TEK: variants seen among roughly 807,000 people sequenced by gnomAD.
TEK encodes the protein angiopoietin-1 receptor.
Under a neutral mutation model 131.8 loss-of-function variants are expected in TEK, and 43 were observed. That is an observed-to-expected ratio of 0.33 (90% confidence interval 0.26 to 0.42). The LOEUF is 0.42. Among genes scored for constraint, TEK ranks in the 10% least tolerant of loss-of-function variants. The pLI, the probability that TEK is intolerant of heterozygous loss-of-function variation, is 1.00. For synonymous variants in TEK, 580 were observed against 491.6 expected (o/e 1.18, Z -2.38); for missense variants, 1,162 against 1,384.4 (o/e 0.84, Z 2.55).
intron 1 of TEK, among the ~76,000 whole-genome samples, chr9:27,138,523 A>G: frequency 6.6e-6 from 1 of 152,188 alleles, no homozygotes; most frequent in Non-Finnish European, 1.5e-5. Context: ...GCTAGACAGA[A>G]AAGTTCTCCA....
intron 21 of TEK, among the ~76,000 whole-genome samples, chr9:27,221,122 GT>G (rs1486156258): frequency 6.6e-6 from 1 of 152,138 alleles, no homozygotes; most frequent in Non-Finnish European, 1.5e-5. Flanking sequence ...TGAGTAGGCG[GT>G]TTTCCCCTCA....
chr9:27,114,900 A>G (rs370465332), intron 1 of TEK, among the ~76,000 whole-genome samples: 5 of 152,334 alleles, frequency 3.3e-5, no homozygotes, highest in African/African-American at 1.2e-4. Flanking sequence ...ACTGTGTGCC[A>G]ATCATTCATT....
At chr9:27,224,238 G>A (rs774625246) in intron 21 of TEK, among the ~76,000 whole-genome samples, 10,736 of 152,130 alleles carry the variant, frequency 0.071, 446 homozygotes, top group East Asian at 0.1. Flanking sequence ...AGAAAAAGAG[G>A]GATCTTTCCT....
intron 21 of TEK, among the ~76,000 whole-genome samples, chr9:27,226,510 T>C (rs2131262572): frequency 6.6e-6 from 1 of 152,006 alleles, no homozygotes; most frequent in East Asian, 1.9e-4. Context: ...ATGTTCTCAC[T>C]CATAAGTTGG....
intron 1 of TEK, among the ~76,000 whole-genome samples, chr9:27,120,255 C>G (rs1194194886): frequency 1.3e-5 from 2 of 152,224 alleles, no homozygotes; most frequent in Non-Finnish European, 2.9e-5. Context: ...TTTGCAGTTT[C>G]CAAACATTCA....
intron 2 of TEK, 35 bp from the exon 3 acceptor site, chr9:27,168,460 C>T (rs748562897): frequency 1.3e-6 from 2 of 1,535,952 alleles, no homozygotes; most frequent in African/African-American, 2.7e-5. Flanking sequence ...AATGTGTGAT[C>T]CCATTTTTGG....
intron 18 of TEK, among the ~76,000 whole-genome samples, chr9:27,215,996 A>G (rs963014192): frequency 5.3e-5 from 8 of 152,186 alleles, no homozygotes; most frequent in Non-Finnish European, 1.2e-4. Flanking sequence ...CCCCTAGAGG[A>G]AAAGGAAAGC....
At position 27,169,422 on chromosome 9, in the gene TEK, G is replaced by A. The variant is rs1823865523; in HGVS notation, c.476-55G>A. The A allele has an allele frequency of 3.7e-6, 6 of 1,609,940 alleles. 1 individual carries two copies. The Middle Eastern group carries it at 5.7e-4, about 153-fold the overall frequency. On this transcript the variant is annotated intron_variant, in intron 3 of 22. Transcript: ENST00000380036. ...CTAATTAAGTGGAGAAACCAGACAA[G>A]GAAGCAGGTATGTTTCAGTGTGACC...
At chr9:27,186,800 T>C (rs1824615995) in intron 9 of TEK, among the ~76,000 whole-genome samples, 1 of 152,174 alleles carries the variant, frequency 6.6e-6, no homozygotes, top group Non-Finnish European at 1.5e-5. Context: ...CTTCTATAAA[T>C]GAAATGCTGT....
intron 7 of TEK, among the ~76,000 whole-genome samples, chr9:27,182,091 G>T (rs891608884): frequency 6.6e-6 from 1 of 152,148 alleles, no homozygotes; most frequent in African/African-American, 2.4e-5. Flanking sequence ...GGCTACTAGG[G>T]GATTGTATTG....
intron 1 of TEK, among the ~76,000 whole-genome samples, chr9:27,118,090 G>C (rs1464305416): frequency 1.3e-5 from 2 of 152,170 alleles, no homozygotes; most frequent in Non-Finnish European, 2.9e-5. Context: ...CCACCCTGGG[G>C]ACAGGAGTGC....
At chr9:27,213,619 T>G (rs770492935) in intron 18 of TEK, 22 bp downstream of exon 18, 2 of 1,563,992 alleles carry the variant, frequency 1.3e-6, no homozygotes, top group Non-Finnish European at 1.8e-6. Context: ...ACACAGACAC[T>G]GATCGCATCC....
intron 1 of TEK, among the ~76,000 whole-genome samples, chr9:27,137,654 C>G (rs966917017): frequency 6.8e-6 from 1 of 146,668 alleles, no homozygotes; most frequent in Non-Finnish European, 1.5e-5. Context: ...TACATAGTTC[C>G]CGTATGATTA....
At chr9:27,206,449 A>G in intron 14 of TEK, 133 bp from the exon 15 acceptor site, 5 of 1,078,490 alleles carry the variant, frequency 4.6e-6, no homozygotes, top group Non-Finnish European at 6.8e-6. Context: ...ATGAAAACCT[A>G]TTTCCCTTTC....
chr9:27,216,141 G>C (rs1825813526), intron 18 of TEK, among the ~76,000 whole-genome samples: 1 of 152,184 alleles, frequency 6.6e-6, no homozygotes, highest in Non-Finnish European at 1.5e-5. Flanking sequence ...TCCAGCTAAG[G>C]ATTTGGGATC....
intron 18 of TEK, among the ~76,000 whole-genome samples, chr9:27,214,872 C>T (rs1825761157): frequency 6.6e-6 from 1 of 152,082 alleles, no homozygotes; most frequent in African/African-American, 2.4e-5. Context: ...TGCTTTTCTC[C>T]CTAACCTTTT....
Position 27,212,848 on chromosome 9 carries a change from A to G in TEK, c.2828A>G (p.His943Arg). 1.2e-6 allele frequency: 2 copies of G among 1,614,082 alleles called. No homozygotes were observed. Among genetic ancestry groups the G allele is most frequent in the Non-Finnish European group, 8.5e-7 (1 of 1,179,996 alleles). Residue 943 changes from histidine to arginine, a missense_variant, in exon 17 of 23, where the codon CAC (histidine) becomes CGC (arginine). His to Arg is a conservative substitution (Grantham distance 29, BLOSUM62 0). Around this residue, in one of 6 missense-constraint regions of TEK, gnomAD observed 107 missense variants for 173.9 expected, o/e 0.62. Coordinates refer to ENST00000380036, the MANE Select transcript of TEK (RefSeq NM_000459.5). ...ASTLSSQQLL[H>R]FAADVARGMD... is the part of the protein sequence containing the mutation. ...ACACTGTCCTCCCAGCAGCTCCTTC[A>G]CTTCGCTGCCGACGTGGCCCGGGGC... is the stretch of plus-strand genomic sequence containing the variant.
chr9:27,151,762 G>A (rs1181422818), intron 1 of TEK, among the ~76,000 whole-genome samples: 1 of 152,170 alleles, frequency 6.6e-6, no homozygotes, highest in Non-Finnish European at 1.5e-5. Flanking sequence ...GTGCAGTACT[G>A]GGCACAGGGG....
chr9:27,157,501 A>G (rs957381252), intron 1 of TEK, among the ~76,000 whole-genome samples: 1 of 152,216 alleles, frequency 6.6e-6, no homozygotes, highest in Non-Finnish European at 1.5e-5. Flanking sequence ...TGATAATGTC[A>G]TTATTATTAA....
Sources: gnomAD v4.1 joint callset for allele counts (sites outside exome capture counted in the v4.1 genomes callset) on GRCh38, gnomAD v4.1.1 for gene constraint, gnomAD v4.1.1 regional missense constraint, MANE v1.5 for transcripts, NCBI Gene and HGNC (gene_info 2026-07-23, HGNC 2026-07-21) for gene names.